SDK1: variants seen among roughly 807,000 people sequenced by gnomAD.
The protein encoded by SDK1 is protein sidekick-1.
A neutral mutation model predicts 245.5 loss-of-function variants in SDK1; 157 were observed. The observed-to-expected ratio is 0.64, with a 90% CI of 0.56 to 0.73. The LOEUF (loss-of-function observed/expected upper bound fraction) is 0.73, where lower values mean the gene tolerates loss of function less well. Ranked by LOEUF, SDK1 falls within the 30% of genes least tolerant of loss-of-function variation. The pLI is 0.00. For missense variants in SDK1, 3,583 were observed against 3,002.3 expected, an observed-to-expected ratio of 1.19 and a Z score of -4.52; for synonymous variants, 1,647 against 1,278.5, an observed-to-expected ratio of 1.29 and a Z score of -6.15.
chr7:3,879,248 G>C (rs1371428189), intron 5 of SDK1, among the ~76,000 whole-genome samples: 2 of 152,188 alleles, frequency 1.3e-5, no homozygotes, highest in Non-Finnish European at 2.9e-5. Context: ...GTGTGATTAG[G>C]ATGACACCAC....
At chr7:3,793,807 G>T (rs1049688254) in intron 4 of SDK1, among the ~76,000 whole-genome samples, 5 of 152,130 alleles carry the variant, frequency 3.3e-5, no homozygotes, top group African/African-American at 9.7e-5. Context: ...GACTTATGCA[G>T]GGGTGGGGGT....
intron 14 of SDK1, among the ~76,000 whole-genome samples, chr7:3,998,218 G>T (rs1583778942): frequency 2.0e-5 from 3 of 152,230 alleles, no homozygotes; most frequent in Non-Finnish European, 4.4e-5. Flanking sequence ...ACTCGTAAGG[G>T]GCAGAGCTTC....
chr7:4,215,564 C>T (rs1784749377), intron 38 of SDK1, among the ~76,000 whole-genome samples: 1 of 152,214 alleles, frequency 6.6e-6, no homozygotes, highest in African/African-American at 2.4e-5. Flanking sequence ...GCCACCTGGG[C>T]CAGCCAACCC....
intron 35 of SDK1, among the ~76,000 whole-genome samples, chr7:4,187,274 C>T (rs1035201714): frequency 1.3e-5 from 2 of 152,182 alleles, no homozygotes; most frequent in South Asian, 4.1e-4. Flanking sequence ...TTTCCATCAT[C>T]CAATACATTT....
At chr7:3,854,895 T>A (rs191957669) in intron 5 of SDK1, among the ~76,000 whole-genome samples, 1 of 152,214 alleles carries the variant, frequency 6.6e-6, no homozygotes, top group Admixed American at 6.5e-5. Context: ...CTACAAAAGA[T>A]GGGACGAACA....
At chr7:4,011,761 A>G (rs1444957163) in intron 15 of SDK1, among the ~76,000 whole-genome samples, 1 of 152,132 alleles carries the variant, frequency 6.6e-6, no homozygotes, top group Non-Finnish European at 1.5e-5. Flanking sequence ...AGCCGGAGAA[A>G]ACAGTTTGGG....
chr7:3,453,639 A>G (rs1250446807), intron 1 of SDK1, among the ~76,000 whole-genome samples: 1 of 152,208 alleles, frequency 6.6e-6, no homozygotes, highest in Admixed American at 6.5e-5. Context: ...ATTTCCCCTT[A>G]GAGCCTCCAG....
At chr7:3,691,442 A>G (rs1467850555) in intron 4 of SDK1, among the ~76,000 whole-genome samples, 1 of 152,212 alleles carries the variant, frequency 6.6e-6, no homozygotes, top group Non-Finnish European at 1.5e-5. Flanking sequence ...CTGGAGTCCA[A>G]GTAGCACTTT....
At position 3,644,788 on chromosome 7, in the gene SDK1, AAAAAC is replaced by A. The variant is rs1397516094; in HGVS notation, c.713+2688_713+2692del. Among the ~76,000 whole-genome samples the A allele has an allele frequency of 5.8e-3, 703 of 121,276 alleles. 19 individuals carry two copies. Among genetic ancestry groups the A allele is most frequent in the African/African-American group, 0.019 (669 of 34,990 alleles). 79.6% of individuals were successfully genotyped at this position (121,276 alleles called of 152,430 possible). ...ACCCTGTCTCCAAAAAAAAAAAAAAAAAAACAAAAAACAACAACAACGGCGGGGCA... is the reference window on the plus strand; with the variant it reads ...ACCCTGTCTCCAAAAAAAAAAAAAAAAAAAAACAACAACAACGGCGGGGCA... On this transcript the variant is annotated intron_variant, in intron 4 of 44. Transcript: ENST00000404826.
chr7:3,646,581 G>A (rs1004210680), intron 4 of SDK1, among the ~76,000 whole-genome samples: 6 of 152,078 alleles, frequency 3.9e-5, no homozygotes, highest in Non-Finnish European at 7.4e-5. Context: ...GTTCACACCC[G>A]GGTCTGCCTG....
intron 1 of SDK1, among the ~76,000 whole-genome samples, chr7:3,345,725 C>T (rs977615751): frequency 6.6e-6 from 1 of 152,172 alleles, no homozygotes; most frequent in African/African-American, 2.4e-5. Flanking sequence ...CCGTCTCTTT[C>T]CTGTTTCAGT....
At chr7:4,082,190 G>A (rs982624469) in intron 22 of SDK1, among the ~76,000 whole-genome samples, 5 of 152,120 alleles carry the variant, frequency 3.3e-5, no homozygotes, top group African/African-American at 4.8e-5. Flanking sequence ...TGATCTGGGT[G>A]CTTATTTTGT....
chr7:3,452,811 T>C (rs1268046751), intron 1 of SDK1, among the ~76,000 whole-genome samples: 1 of 152,198 alleles, frequency 6.6e-6, no homozygotes. Context: ...GGTGTTGTGA[T>C]AAGAGTCCAA....
chr7:4,157,859 G>A (rs577805823), intron 30 of SDK1, among the ~76,000 whole-genome samples: 23 of 152,250 alleles, frequency 1.5e-4, no homozygotes, highest in African/African-American at 4.3e-4. Flanking sequence ...CGGGGCTGGC[G>A]GGTCTCTGCC....
chr7:3,822,412 T>C (rs1264284475), intron 5 of SDK1, among the ~76,000 whole-genome samples: 4 of 152,154 alleles, frequency 2.6e-5, no homozygotes, highest in African/African-American at 9.7e-5. Context: ...TTTGTTTGTA[T>C]AGTAGTGGAT....
In SDK1 at chr7:3,820,439, C is replaced by T. The variant is rs555648298; in HGVS notation, c.714-1011C>T. Reference sequence around the variant, plus strand: ...CTGGGATCACAGATGTGAGCCACTGCGCTCAGCCCATACTTTTTTAAACAA... The same window carrying T: ...CTGGGATCACAGATGTGAGCCACTGTGCTCAGCCCATACTTTTTTAAACAA... On this transcript the variant is annotated intron_variant, in intron 4 of 44. Coordinates refer to ENST00000404826, the MANE Select transcript of SDK1 (RefSeq NM_152744.4). 6.6e-5 allele frequency among the ~76,000 whole-genome samples: 10 copies of T among 152,270 alleles called. No homozygotes were observed. In the South Asian group the frequency reaches 8.3e-4, roughly 13 times the overall value.
intron 2 of SDK1, among the ~76,000 whole-genome samples, chr7:3,634,476 C>G (rs1782394355): frequency 6.6e-6 from 1 of 152,154 alleles, no homozygotes. Flanking sequence ...CTGGAAAACA[C>G]TGTGTTAGTT....
chr7:3,582,442 CAGGT>C (rs1358238115), intron 1 of SDK1, among the ~76,000 whole-genome samples: 1 of 146,618 alleles, frequency 6.8e-6, no homozygotes, highest in South Asian at 2.1e-4. Flanking sequence ...AGGTCTGTCT[CAGGT>C]AGGTCTCCCT....
At chr7:3,565,124 C>T (rs1779869783) in intron 1 of SDK1, among the ~76,000 whole-genome samples, 1 of 150,672 alleles carries the variant, frequency 6.6e-6, no homozygotes, top group Non-Finnish European at 1.5e-5. Flanking sequence ...TTTTTTTAAA[C>T]CTCACAAGGG....
Sources: gnomAD v4.1 joint callset for allele counts (sites outside exome capture counted in the v4.1 genomes callset) on GRCh38, gnomAD v4.1.1 for gene constraint, MANE v1.5 for transcripts, NCBI Gene and HGNC (gene_info 2026-07-23, HGNC 2026-07-21) for gene names.